The following SLFN12L variants were observed in gnomAD, a reference collection of about 807,000 sequenced individuals.
SLFN12L encodes schlafen family member 12 like, also known as schlafen family member 12-like.
SLFN12L carries 34 observed loss-of-function variants against 34.8 expected under a neutral mutation model. The observed-to-expected ratio is 0.98, with a 90% CI of 0.74 to 1.30. The LOEUF is 1.30. Among genes scored for constraint, SLFN12L ranks in the 50% most tolerant of loss-of-function variants. The pLI, the probability that SLFN12L is intolerant of heterozygous loss-of-function variation, is 0.00. For missense variants in SLFN12L, 703 were observed against 696.2 expected (o/e 1.01, Z -0.11); for synonymous variants, 259 against 247.5 (o/e 1.05, Z -0.44).
chr17:35,507,622 G>A (rs1303066428), intron 2 of SLFN12L, among the ~76,000 whole-genome samples: 1 of 152,180 alleles, frequency 6.6e-6, no homozygotes, highest in Non-Finnish European at 1.5e-5. Flanking sequence ...GTGTGGCATG[G>A]ATTTGATCCT....
rs978211416 is a variant in SLFN12L at position 35,470,404 on chromosome 17, G to T, written c.*4519C>A. 9 of 154,850 alleles carry T rather than the reference G, an allele frequency of 5.8e-5. No individual in the cohort carries two copies. The highest frequency in any genetic ancestry group is 1.0e-4 in the Non-Finnish European group (7 of 69,752). The allele number at this position is 154,850 out of a possible 1,614,324, so 9.6% of individuals were successfully genotyped here. On this transcript the variant is annotated 3_prime_UTR_variant, in exon 5 of 5. Transcript: ENST00000628453. ...TGTAAGTTCCAGATAACAGGCTCTT[G>T]TCATTTTCCCAATCTTTCCTCATTG...
intron 2 of SLFN12L, among the ~76,000 whole-genome samples, chr17:35,486,008 A>G (rs1914567222): frequency 6.6e-6 from 1 of 152,186 alleles, no homozygotes; most frequent in Admixed American, 6.5e-5. Flanking sequence ...TTGCATACAA[A>G]TTTTAAATCA....
At chr17:35,493,671 G>A (rs2142142859) in intron 2 of SLFN12L, among the ~76,000 whole-genome samples, 1 of 152,232 alleles carries the variant, frequency 6.6e-6, no homozygotes, top group Admixed American at 6.5e-5. Context: ...CACACAAAGT[G>A]GGTTAGTACT....
In SLFN12L at chr17:35,467,794, G is replaced by A. The variant is rs567169254; in HGVS notation, c.*7129C>T. Among the ~76,000 whole-genome samples, 1 of 152,274 alleles carries A rather than the reference G, an allele frequency of 6.6e-6. No homozygotes were observed. Among genetic ancestry groups the A allele is most frequent in the East Asian group, 1.9e-4 (1 of 5,186 alleles). The stretch of plus-strand genomic sequence containing the variant: ...CTTATCTGATATGGGACCCGTTTGA[G>A]CCTAAACTTCAACCATGAAGCAAGC... On this transcript the variant is annotated 3_prime_UTR_variant, in exon 5 of 5. Coordinates refer to ENST00000628453, the MANE Select transcript of SLFN12L (RefSeq NM_001363830.2).
In SLFN12L at chr17:35,480,107, T is replaced by G; in HGVS notation, c.175A>C (p.Asn59His). Residue 59 changes from asparagine to histidine, a missense_variant, in exon 3 of 5, where the codon AAT becomes CAT. Transcript: ENST00000628453. ...LDTNYAELVLNVGRVTLGENN... is the reference protein window; with the variant it reads ...LDTNYAELVLHVGRVTLGENN... Reference sequence around the variant, plus strand: ...TCTCCAAGAGTGACTCTTCCCACATTTAGAACCAGCTCAGCATAGTTTGTG... The same window carrying G: ...TCTCCAAGAGTGACTCTTCCCACATGTAGAACCAGCTCAGCATAGTTTGTG... The G allele has an allele frequency of 3.1e-6, 5 of 1,614,164 alleles. No homozygotes were observed. The highest frequency in any genetic ancestry group is 4.2e-6 in the Non-Finnish European group (5 of 1,180,032).
chr17:35,490,999 C>A, intron 2 of SLFN12L: 1 of 787,818 alleles, frequency 1.3e-6, no homozygotes, highest in Middle Eastern at 2.3e-4. Context: ...CTATGGGAAA[C>A]CTTTCTCCTC....
At chr17:35,494,053 T>C (rs1159765537) in intron 2 of SLFN12L, among the ~76,000 whole-genome samples, 1 of 152,184 alleles carries the variant, frequency 6.6e-6, no homozygotes, top group Non-Finnish European at 1.5e-5. Flanking sequence ...TGAAGGAAGA[T>C]GACTTGCAGA....
intron 2 of SLFN12L, among the ~76,000 whole-genome samples, chr17:35,519,924 C>T (rs1029049064): frequency 6.6e-6 from 1 of 152,154 alleles, no homozygotes; most frequent in African/African-American, 2.4e-5. Flanking sequence ...GTCAGCCGCA[C>T]CTCATTATAA....
intron 2 of SLFN12L, among the ~76,000 whole-genome samples, chr17:35,494,875 TATTA>T (rs1382209821): frequency 1.3e-5 from 2 of 148,996 alleles, no homozygotes; most frequent in Admixed American, 1.3e-4. Context: ...GCGTTAATTT[TATTA>T]ATTTATTTAT....
At chr17:35,478,207 C>T in intron 3 of SLFN12L, 22 bp from the exon 4 acceptor site, 2 of 1,456,614 alleles carry the variant, frequency 1.4e-6, no homozygotes, top group Non-Finnish European at 1.9e-6. Flanking sequence ...TGTTAGAAAA[C>T]AAAAATCACG....
rs1403206402 is a variant in SLFN12L, at chr17:35,470,982, G to T, written c.*3941C>A. Among the ~76,000 whole-genome samples the T allele has an allele frequency of 1.3e-5, 2 of 152,118 alleles. No homozygotes were observed. Among genetic ancestry groups the T allele is most frequent in the African/African-American group, 4.8e-5 (2 of 41,430 alleles). ...CAGCTTCATCCATGTCCCTGCAAAG[G>T]TCATGATCTCATTCCTTTTTATGGC... On this transcript the variant is annotated 3_prime_UTR_variant, in exon 5 of 5. Coordinates refer to ENST00000628453, the MANE Select transcript of SLFN12L (RefSeq NM_001363830.2).
chr17:35,499,189 C>A, intron 2 of SLFN12L: 1 of 946,890 alleles, frequency 1.1e-6, no homozygotes, highest in Non-Finnish European at 1.6e-6. Context: ...GTGTGAATAC[C>A]GTTTTTTCTT....
intron 1 of SLFN12L, among the ~76,000 whole-genome samples, chr17:35,525,839 T>C (rs2072329300): frequency 6.6e-6 from 1 of 152,114 alleles, no homozygotes; most frequent in Non-Finnish European, 1.5e-5. Flanking sequence ...AGTAACAGGA[T>C]CAAATTCACA....
At chr17:35,507,172 A>G (rs1302942094) in intron 2 of SLFN12L, among the ~76,000 whole-genome samples, 1 of 152,220 alleles carries the variant, frequency 6.6e-6, no homozygotes, top group African/African-American at 2.4e-5. Context: ...CCTACTGCCC[A>G]TAAAGACAGG....
rs1453898113 is a variant in SLFN12L, at chr17:35,465,980, G to T, written c.*8943C>A. ...CATCATGCACACATCTTACAGACAA[G>T]ATCTTTTTTAATACTTAATTTTTCT... is the stretch of plus-strand genomic sequence containing the variant. On this transcript the variant is annotated 3_prime_UTR_variant, in exon 5 of 5. Transcript: ENST00000628453. Among the ~76,000 whole-genome samples, 2 of 151,782 alleles carry T rather than the reference G, an allele frequency of 1.3e-5. No individual in the cohort carries two copies. The highest frequency in any genetic ancestry group is 6.6e-5 in the Admixed American group (1 of 15,230).
In SLFN12L at chr17:35,522,317, G is replaced by C; in HGVS notation, c.48C>G (p.Leu16=). 3 of 1,614,178 alleles carry C rather than the reference G, an allele frequency of 1.9e-6. No individual in the cohort carries two copies. Among genetic ancestry groups the C allele is most frequent in the Non-Finnish European group, 2.5e-6 (3 of 1,180,018 alleles). The change falls in exon 2 of 5, where the codon CTC becomes CTG. Residue 16 remains leucine (L), a synonymous_variant. Coordinates refer to ENST00000628453, the MANE Select transcript of SLFN12L (RefSeq NM_001363830.2). ...NVFHCEAHRI[L]YICESQFLRN... is the part of the protein sequence containing the mutation. ...TCAGAAACTGACTTTCACAAATGTA[G>C]AGAATTCTGTGTGCCTCACAGTGAA...
intron 4 of SLFN12L, among the ~76,000 whole-genome samples, chr17:35,476,930 A>C (rs749148653): frequency 3.9e-5 from 6 of 152,212 alleles, no homozygotes; most frequent in Non-Finnish European, 7.3e-5. Context: ...GAAAAACTGG[A>C]TTATAGAAAA....
rs1196564963 is a variant in SLFN12L, at chr17:35,530,409, GGAAGGAAGGAAGGAA to G, written c.-606+7149_-606+7163del. ...AGGAAGGAAGGAAGGAAGGAAGGAA[GGAAGGAAGGAAGGAA>G]GGAAGGGAAGGGAAGGGAAGAAAGA... On this transcript the variant is annotated intron_variant, in intron 1 of 4. Coordinates refer to ENST00000628453, the MANE Select transcript of SLFN12L (RefSeq NM_001363830.2). Among the ~76,000 whole-genome samples, 11 of 12,288 alleles carry G rather than the reference GGAAGGAAGGAAGGAA, an allele frequency of 9.0e-4. 3 individuals are homozygous for G. Among genetic ancestry groups the G allele is most frequent in the Admixed American group, 1.4e-3 (1 of 710 alleles). The allele number at this position is 12,288 out of a possible 152,430, so 8.1% of individuals were successfully genotyped here.
At chr17:35,481,923 C>A (rs1451670856) in intron 2 of SLFN12L, among the ~76,000 whole-genome samples, 2 of 152,162 alleles carry the variant, frequency 1.3e-5, no homozygotes. Flanking sequence ...TGCAATGGCA[C>A]AATCTCAGGT....
Sources: allele counts gnomAD v4.1 joint callset (sites outside exome capture counted in the v4.1 genomes callset), GRCh38; gene constraint gnomAD v4.1.1; transcripts MANE v1.5; gene names NCBI Gene and HGNC (gene_info 2026-07-23, HGNC 2026-07-21).